Variants in SLC46A3 observed in about 807,000 individuals in gnomAD.
The protein encoded by SLC46A3 is lysosomal proton-coupled steroid conjugate and bile acid symporter SLC46A3.
A neutral mutation model predicts 38.5 loss-of-function variants in SLC46A3; 26 were observed. The ratio of observed to expected loss-of-function variants is 0.68; its 90% CI spans 0.49 to 0.94. The LOEUF is 0.94. Among genes scored for constraint, SLC46A3 ranks in the 40% least tolerant of loss-of-function variants. SLC46A3 has a pLI of 0.00. For missense variants in SLC46A3, 510 were observed against 544.3 expected (o/e 0.94, Z 0.63); for synonymous variants, 185 against 192.5 (o/e 0.96, Z 0.32).
chr13:28,717,719 C>G (rs754628215), intron 2 of SLC46A3, 91 bp downstream of exon 2: 3 of 1,303,338 alleles, frequency 2.3e-6, no homozygotes, highest in Non-Finnish European at 3.2e-6. Flanking sequence ...CCTAGAGAGA[C>G]CAATGGATGA....
intron 4 of SLC46A3, among the ~76,000 whole-genome samples, chr13:28,709,323 A>C (rs1360277701): frequency 2.1e-4 from 1 of 4,866 alleles, no homozygotes; most frequent in African/African-American, 3.0e-4. Context: ...ACTCCGTCTC[A>C]AAAAAAAAAA....
chr13:28,712,813 C>T lies in SLC46A3; in HGVS notation c.927G>A (p.Leu309=). The T allele has an allele frequency of 6.2e-7, 1 of 1,613,248 alleles. No individual in the cohort carries two copies. Among genetic ancestry groups the T allele is most frequent in the South Asian group, 1.1e-5 (1 of 90,868 alleles). The change falls in exon 3 of 6, where the codon TTG becomes TTA. Residue 309 remains leucine (L), a synonymous_variant. Transcript: ENST00000266943. ...AAAGCCATATTCCTAGGAAACTAGTCAAAAAAGAGGCACTACCCAAAGCTG... is the reference window on the plus strand; with the variant it reads ...AAAGCCATATTCCTAGGAAACTAGTTAAAAAAGAGGCACTACCCAAAGCTG... ...YGSALGSASF[L]TSFLGIWLFS...
chr13:28,715,713 T>A (rs1241786627), intron 2 of SLC46A3, among the ~76,000 whole-genome samples: 1 of 152,176 alleles, frequency 6.6e-6, no homozygotes, highest in East Asian at 1.9e-4. Flanking sequence ...TATTGAATGT[T>A]CCCAACACAA....
chr13:28,700,544 T>G lies in SLC46A3; in HGVS notation c.*953A>C, dbSNP rs2137815182. 1 of 166,680 alleles carries G rather than the reference T, an allele frequency of 6.0e-6. No homozygotes were observed. The highest frequency in any genetic ancestry group is 1.7e-4 in the East Asian group (1 of 5,862). The allele number at this position is 166,680 out of a possible 1,614,324, so 10.3% of individuals were successfully genotyped here. On this transcript the variant is annotated 3_prime_UTR_variant, in exon 6 of 6. Coordinates refer to ENST00000266943, the MANE Select transcript of SLC46A3 (RefSeq NM_181785.4). ...ACAAGATCGTATTTTAAAAATGCCC[T>G]TAGCAGTATTTATAATTGAACAAGG...
chr13:28,716,750 G>A (rs1885539260), intron 2 of SLC46A3, among the ~76,000 whole-genome samples: 1 of 152,292 alleles, frequency 6.6e-6, no homozygotes, highest in African/African-American at 2.4e-5. Context: ...CCCCAGCAAG[G>A]TTCCACCTGA....
intron 4 of SLC46A3, among the ~76,000 whole-genome samples, chr13:28,705,997 G>C (rs1220858032): frequency 6.6e-6 from 1 of 152,146 alleles, no homozygotes; most frequent in Non-Finnish European, 1.5e-5. Flanking sequence ...ACTTCTCTGA[G>C]CAGTTCGACT....
chr13:28,712,951 TAACA>T lies in SLC46A3; in HGVS notation c.785_788del (p.Leu262TyrfsTer5), dbSNP rs756174226. 16 of 1,611,820 alleles carry T rather than the reference TAACA, an allele frequency of 9.9e-6. No individual in the cohort carries two copies. Among genetic ancestry groups the T allele is most frequent in the Admixed American group, 5.0e-5 (3 of 59,570 alleles). On this transcript the variant is annotated frameshift_variant, in exon 3 of 6. Transcript: ENST00000266943. LOFTEE classifies it high-confidence loss of function. ...AAAAATAAGTGATTACTGTAAAAAGTAACAAACAGAGCAAAAATCGTCTCTTACC... is the reference window on the plus strand; with the variant it reads ...AAAAATAAGTGATTACTGTAAAAAGTAACAGAGCAAAAATCGTCTCTTACC...
chr13:28,701,059 C>A lies in SLC46A3; in HGVS notation c.*438G>T. 1.3e-6 allele frequency: 2 copies of A among 1,493,842 alleles called. No homozygotes were observed. Among genetic ancestry groups the A allele is most frequent in the South Asian group, 1.3e-5 (1 of 74,124 alleles). The allele number at this position is 1,493,842 out of a possible 1,614,324, so 92.5% of individuals were successfully genotyped here. On this transcript the variant is annotated 3_prime_UTR_variant, in exon 6 of 6. Coordinates refer to ENST00000266943, the MANE Select transcript of SLC46A3 (RefSeq NM_181785.4). The stretch of plus-strand genomic sequence containing the variant: ...GTGATTCATCATAATTTTCATTATG[C>A]CTTCAAAATTATCCCTGAGAGAGGC...
chr13:28,712,573 G>T, intron 3 of SLC46A3, 107 bp downstream of exon 3: 1 of 1,169,108 alleles, frequency 8.6e-7, no homozygotes, highest in Non-Finnish European at 1.1e-6. Flanking sequence ...GAACTAGAAT[G>T]GCTTAAATAG....
chr13:28,701,383 T>C lies in SLC46A3; in HGVS notation c.*114A>G. The C allele has an allele frequency of 4.7e-6, 7 of 1,488,388 alleles. No homozygotes were observed. The highest frequency in any genetic ancestry group is 1.4e-5 in the South Asian group (1 of 68,978). The allele number at this position is 1,488,388 out of a possible 1,614,324, so 92.2% of individuals were successfully genotyped here. ...TGACTGTTCAGTTTAGAAGAAAAGA[T>C]AGGTAAAATTGGTTCTCAGTGAAGC... On this transcript the variant is annotated 3_prime_UTR_variant, in exon 6 of 6. Coordinates refer to ENST00000266943, the MANE Select transcript of SLC46A3 (RefSeq NM_181785.4).
In SLC46A3 at chr13:28,712,588, CT is replaced by C. The variant is rs955614816; in HGVS notation, c.1060+91del. 133 of 1,321,270 alleles carry C rather than the reference CT, an allele frequency of 1.0e-4. 2 individuals are homozygous for C. In the Middle Eastern group the frequency reaches 1.2e-3, roughly 11 times the overall value. The allele number at this position is 1,321,270 out of a possible 1,614,324, so 81.8% of individuals were successfully genotyped here. On this transcript the variant is annotated intron_variant, in intron 3 of 5. Coordinates refer to ENST00000266943, the MANE Select transcript of SLC46A3 (RefSeq NM_181785.4). ...GAACTAGAATGGCTTAAATAGAGGG[CT>C]TTAGATTAAAGTTTCTCCCCCAGTA...
intron 2 of SLC46A3, among the ~76,000 whole-genome samples, chr13:28,714,971 A>G (rs1023728571): frequency 2.0e-5 from 3 of 152,210 alleles, no homozygotes; most frequent in African/African-American, 4.8e-5. Context: ...AGTCAATATA[A>G]AAAGTGTGTG....
chr13:28,713,624 AT>A (rs1885438633), intron 2 of SLC46A3, 74 bp from the exon 3 acceptor site: 2 of 1,448,428 alleles, frequency 1.4e-6, no homozygotes, highest in African/African-American at 2.8e-5. Context: ...CATGGTGCAT[AT>A]GCTTTTTTCC....
In SLC46A3 at chr13:28,704,091, A is replaced by T; in HGVS notation, c.1153T>A (p.Phe385Ile). Residue 385 changes from phenylalanine (F) to isoleucine (I), a missense_variant, in exon 5 of 6, where the codon TTT becomes ATT. Physicochemically the swap from Phe to Ile is conservative, Grantham distance 21. Transcript: ENST00000266943. ...GTTTCTAAGAAAGCAATACAAGCAA[A>T]CAGGGTACCTGTTTGGAGTAGGGAT... ...VVRSTEQGTL[F>I]ACIAFLETLG... 3.1e-6 allele frequency: 5 copies of T among 1,612,646 alleles called. No individual in the cohort carries two copies. Among genetic ancestry groups the T allele is most frequent in the Non-Finnish European group, 4.2e-6 (5 of 1,179,488 alleles).
rs905071613 is a variant in SLC46A3, at chr13:28,703,955, G to C, written c.1289C>G (p.Ala430Gly). 21 of 1,613,296 alleles carry C rather than the reference G, an allele frequency of 1.3e-5. No homozygotes were observed. The highest frequency in any genetic ancestry group is 1.6e-5 in the Non-Finnish European group (19 of 1,179,650). ...AATAATGACATACCATAGACTGATG[G>C]CTGGAAGTAGTAACAGACCAGCAGA... ...LLSAGLLLLP[A>G]ISLCVVKCTS... Residue 430 changes from alanine (A) to glycine (G), a missense_variant, in exon 5 of 6, where the codon GCC becomes GGC. Transcript: ENST00000266943.
Position 28,700,512 on chromosome 13 carries a change from A to G in SLC46A3, c.*985T>C. On this transcript the variant is annotated 3_prime_UTR_variant, in exon 6 of 6. Transcript: ENST00000266943. ...TGACCGTGTTGACGGATTCAAATTT[A>G]AGGAGTACAAGATCGTATTTTAAAA... is the stretch of plus-strand genomic sequence containing the variant. 1 of 155,806 alleles carries G rather than the reference A, an allele frequency of 6.4e-6. No individual in the cohort carries two copies. The highest frequency in any genetic ancestry group is 2.0e-4 in the South Asian group (1 of 5,022). The allele number at this position is 155,806 out of a possible 1,614,324, so 9.7% of individuals were successfully genotyped here. A position where few individuals can be genotyped will look rare whatever the true frequency, so the allele number is the denominator to read the frequency against.
Position 28,704,066 on chromosome 13 carries a change from G to A in SLC46A3, c.1178C>T (p.Thr393Ile). The change falls in exon 5 of 6, where the codon ACA (threonine) becomes ATA (isoleucine). Residue 393 changes from threonine to isoleucine, a missense_variant. Coordinates refer to ENST00000266943, the MANE Select transcript of SLC46A3 (RefSeq NM_181785.4). The part of the protein sequence containing the change: ...TLFACIAFLE[T>I]LGGVTAVSTF... ...AGAAACTGCAGTGACTCCTCCAAGT[G>A]TTTCTAAGAAAGCAATACAAGCAAA... is the stretch of plus-strand genomic sequence containing the variant. 1.2e-6 allele frequency: 2 copies of A among 1,613,372 alleles called. No homozygotes were observed. Among genetic ancestry groups the A allele is most frequent in the Non-Finnish European group, 1.7e-6 (2 of 1,179,720 alleles).
Position 28,713,535 on chromosome 13 carries a change from C to CT in SLC46A3, c.204dup (p.Val69SerfsTer5). ...TCCATCTGCAGATTAAAACGTGACACTTTTTTCTGAACTTCCTGCAAAGAA... is the reference window on the plus strand; with the variant it reads ...TCCATCTGCAGATTAAAACGTGACACTTTTTTTCTGAACTTCCTGCAAAGAA... On this transcript the variant is annotated frameshift_variant, in exon 3 of 6. Coordinates refer to ENST00000266943, the MANE Select transcript of SLC46A3 (RefSeq NM_181785.4). LOFTEE classifies it high-confidence loss of function. The CT allele has an allele frequency of 1.2e-6, 2 of 1,601,676 alleles. No homozygotes were observed. Among genetic ancestry groups the CT allele is most frequent in the Middle Eastern group, 1.7e-4 (1 of 5,978 alleles).
At chr13:28,703,532 G>A (rs1175627627) in intron 5 of SLC46A3, among the ~76,000 whole-genome samples, 3 of 151,850 alleles carry the variant, frequency 2.0e-5, no homozygotes, top group Admixed American at 6.6e-5. Flanking sequence ...ATGCTTTCAC[G>A]TATTTTTATT....
Sources: allele counts gnomAD v4.1 joint callset (sites outside exome capture counted in the v4.1 genomes callset), GRCh38; gene constraint gnomAD v4.1.1; transcripts MANE v1.5; gene names NCBI Gene and HGNC (gene_info 2026-07-23, HGNC 2026-07-21).